The following DENND1A variants were observed in gnomAD, a reference collection of about 807,000 sequenced individuals.
DENND1A encodes DENN domain containing 1A, also known as DENN domain-containing protein 1A.
A neutral mutation model predicts 113.7 loss-of-function variants in DENND1A; 51 were observed. That is an observed-to-expected ratio of 0.45 (90% CI 0.36 to 0.57). The LOEUF is 0.57. Ranked by LOEUF, DENND1A falls within the 20% of genes least tolerant of loss-of-function variation. The pLI is 0.00. For synonymous variants in DENND1A, 565 were observed against 570.8 expected, an observed-to-expected ratio of 0.99 and a Z score of 0.14; for missense variants, 1,258 against 1,395.9, an observed-to-expected ratio of 0.90 and a Z score of 1.57.
rs1589151145 is a variant in DENND1A, at chr9:123,564,012, A to G, written c.868-6317T>C. Among the ~76,000 whole-genome samples the G allele has an allele frequency of 2.6e-5, 4 of 152,150 alleles. No individual in the cohort carries two copies. The South Asian group carries it at 8.3e-4, about 32-fold the overall frequency. ...AATCTTTGCAGGTCCCATGCTGGAG[A>G]TGTGCTGGAAACGGAACTGCAGAGG... On this transcript the variant is annotated intron_variant, in intron 12 of 23. Coordinates refer to ENST00000394215, the MANE Select transcript of DENND1A (RefSeq NM_001352964.2).
intron 1 of DENND1A, among the ~76,000 whole-genome samples, chr9:123,902,174 T>TAC (rs9299289): frequency 0.026 from 3,494 of 132,094 alleles, 61 homozygotes; most frequent in East Asian, 0.047. Flanking sequence ...CACACACACA[T>TAC]ACACACACAC....
At chr9:123,414,799 G>A (rs576392150) in intron 19 of DENND1A, among the ~76,000 whole-genome samples, 4 of 152,184 alleles carry the variant, frequency 2.6e-5, no homozygotes, top group East Asian at 1.9e-4. Context: ...ATCCACCTCC[G>A]CAATCTCATC....
intron 5 of DENND1A, among the ~76,000 whole-genome samples, chr9:123,749,627 T>C (rs2069828886): frequency 1.3e-5 from 2 of 152,208 alleles, no homozygotes; most frequent in African/African-American, 2.4e-5. Context: ...AATTCCTGCC[T>C]TCCACTCCAA....
In DENND1A at chr9:123,552,018, C is replaced by CGAGAGAGAGAGAGAGAGACAGA. The variant is rs2057089911; in HGVS notation, c.993+5551_993+5552insTCTGTCTCTCTCTCTCTCTCTC. ...GAGAGAGAGCGAGAGAGAGCGAGAG[C>CGAGAGAGAGAGAGAGAGACAGA]GAGAGAGAGAGAGAGAGAGACAGAG... On this transcript the variant is annotated intron_variant, in intron 13 of 23. Transcript: ENST00000394215. 1.1e-3 allele frequency among the ~76,000 whole-genome samples: 125 copies of CGAGAGAGAGAGAGAGAGACAGA among 118,612 alleles called. 3 individuals are homozygous for CGAGAGAGAGAGAGAGAGACAGA. Among genetic ancestry groups the CGAGAGAGAGAGAGAGAGACAGA allele is most frequent in the Non-Finnish European group, 1.8e-3 (98 of 54,258 alleles). The allele number at this position is 118,612 out of a possible 152,430, so 77.8% of individuals were successfully genotyped here. A position where few individuals can be genotyped will look rare whatever the true frequency, so the allele number is the denominator to read the frequency against.
intron 22 of DENND1A, among the ~76,000 whole-genome samples, chr9:123,386,381 CT>C (rs34797849): frequency 5.6e-4 from 76 of 135,150 alleles, no homozygotes; most frequent in Admixed American, 6.9e-4. Flanking sequence ...TCTTTTCTTT[CT>C]TTTTTTTTTT....
chr9:123,864,209 A>T (rs949630663), intron 2 of DENND1A, among the ~76,000 whole-genome samples: 2 of 152,250 alleles, frequency 1.3e-5, no homozygotes, highest in African/African-American at 4.8e-5. Context: ...AAAGATAAGC[A>T]TTATCCAAGT....
At chr9:123,518,651 G>A (rs1043364481) in intron 13 of DENND1A, among the ~76,000 whole-genome samples, 13 of 152,140 alleles carry the variant, frequency 8.5e-5, no homozygotes, top group Non-Finnish European at 4.4e-5. Context: ...GAGAGCCCAT[G>A]GGAATGGAGC....
chr9:123,854,870 C>A (rs1843924002), intron 2 of DENND1A, among the ~76,000 whole-genome samples: 1 of 150,606 alleles, frequency 6.6e-6, no homozygotes. Context: ...ATTGCCACAA[C>A]CTACTGCATG....
At chr9:123,570,201 G>A (rs1212112872) in intron 12 of DENND1A, among the ~76,000 whole-genome samples, 1 of 152,108 alleles carries the variant, frequency 6.6e-6, no homozygotes, top group Non-Finnish European at 1.5e-5. Flanking sequence ...AAAAAACTTT[G>A]GCTAAATGAA....
chr9:123,786,767 T>G (rs1832245729), intron 3 of DENND1A, among the ~76,000 whole-genome samples: 2 of 152,342 alleles, frequency 1.3e-5, no homozygotes, highest in Middle Eastern at 3.4e-3. Context: ...ATAAGTCCTT[T>G]GGATGAGAGT....
intron 12 of DENND1A, 71 bp from the exon 13 acceptor site, chr9:123,557,766 C>G: frequency 6.5e-7 from 1 of 1,549,528 alleles, no homozygotes; most frequent in Non-Finnish European, 8.8e-7. Context: ...AAGCCCACTA[C>G]ATATGGAGCC....
At chr9:123,636,253 C>T (rs1375183351) in intron 9 of DENND1A, among the ~76,000 whole-genome samples, 2 of 152,124 alleles carry the variant, frequency 1.3e-5, no homozygotes, top group African/African-American at 4.8e-5. Flanking sequence ...GTAGATGACC[C>T]CAGGTGACCA....
intron 5 of DENND1A, among the ~76,000 whole-genome samples, chr9:123,735,864 T>G (rs774448564): frequency 8.5e-5 from 13 of 152,126 alleles, no homozygotes; most frequent in African/African-American, 3.1e-4. Context: ...CCGGGCATGA[T>G]GGTGTACACC....
At chr9:123,620,074 T>G (rs982203321) in intron 10 of DENND1A, among the ~76,000 whole-genome samples, 1 of 149,472 alleles carries the variant, frequency 6.7e-6, no homozygotes, top group African/African-American at 2.5e-5. Context: ...ATTAGCTGGG[T>G]GTGGTGGCGC....
intron 12 of DENND1A, among the ~76,000 whole-genome samples, chr9:123,574,175 T>C (rs2058507739): frequency 9.2e-6 from 1 of 108,206 alleles, no homozygotes; most frequent in African/African-American, 3.6e-5. Flanking sequence ...GTAGTTGCCT[T>C]TTTTTTTTTT....
intron 13 of DENND1A, among the ~76,000 whole-genome samples, chr9:123,523,026 G>A (rs769436018): frequency 1.3e-5 from 2 of 152,232 alleles, no homozygotes; most frequent in African/African-American, 4.8e-5. Context: ...GAGAAACATG[G>A]AGGTAAAGCA....
intron 8 of DENND1A, among the ~76,000 whole-genome samples, chr9:123,658,293 G>A (rs2063065562): frequency 6.6e-6 from 1 of 151,340 alleles, no homozygotes; most frequent in Non-Finnish European, 1.5e-5. Flanking sequence ...TCAAAACCTG[G>A]ACACTAAAAA....
intron 13 of DENND1A, among the ~76,000 whole-genome samples, chr9:123,549,924 CA>C (rs1025343151): frequency 2.0e-5 from 3 of 152,114 alleles, no homozygotes; most frequent in African/African-American, 7.2e-5. Context: ...TCCACTACAC[CA>C]AAAACAAATC....
chr9:123,409,854 G>C (rs1484054067), intron 20 of DENND1A, among the ~76,000 whole-genome samples: 1 of 152,186 alleles, frequency 6.6e-6, no homozygotes, highest in Non-Finnish European at 1.5e-5. Context: ...CACTTTGGGA[G>C]GCTGAGGCGG....
Sources: allele counts gnomAD v4.1 joint callset (sites outside exome capture counted in the v4.1 genomes callset), GRCh38; gene constraint gnomAD v4.1.1; transcripts MANE v1.5; gene names NCBI Gene and HGNC (gene_info 2026-07-23, HGNC 2026-07-21).